Variants in ABCA10 observed in about 807,000 individuals in gnomAD.
The protein encoded by ABCA10 is ATP binding cassette subfamily A member 10.
Under a neutral mutation model 187.5 loss-of-function variants are expected in ABCA10, and 169 were observed. The observed-to-expected ratio is 0.90, with a 90% confidence interval of 0.80 to 1.02. The LOEUF (loss-of-function observed/expected upper bound fraction) is 1.02, where lower values mean the gene tolerates loss of function less well. ABCA10 is among the 50% of genes least tolerant of loss of function. The probability of loss-of-function intolerance (pLI) is 0.00; values close to 1 mark genes in which losing one functional copy is unlikely to be tolerated. For missense variants in ABCA10, 1,727 were observed against 1,812.4 expected, an observed-to-expected ratio of 0.95 and a Z score of 0.86; for synonymous variants, 574 against 601.8, an observed-to-expected ratio of 0.95 and a Z score of 0.68.
At chr17:69,217,255 GAA>G (rs201415206) in intron 6 of ABCA10, among the ~76,000 whole-genome samples, 10 of 133,794 alleles carry the variant, frequency 7.5e-5, no homozygotes, top group Admixed American at 2.9e-4. Flanking sequence ...CTCAAAAAAA[GAA>G]AAAAAAAAAA....
At chr17:69,186,125 A>G (rs1234628674) in intron 19 of ABCA10, among the ~76,000 whole-genome samples, 1 of 152,194 alleles carries the variant, frequency 6.6e-6, no homozygotes, top group Non-Finnish European at 1.5e-5. Context: ...CACTATTTTT[A>G]TATCCTAGAA....
intron 34 of ABCA10, 80 bp downstream of exon 34, chr17:69,153,225 A>G (rs2074143636): frequency 6.6e-7 from 1 of 1,507,102 alleles, no homozygotes; most frequent in African/African-American, 1.4e-5. Flanking sequence ...AAAATGTAAC[A>G]AAGAAACAAA....
In ABCA10 at chr17:69,219,419, T is replaced by C. The variant is rs886384041; in HGVS notation, c.530+126A>G. ...CTACTGCAAGCATCTTAAACTCTAA[T>C]GCAAGTAAGGTGATTAAATTGAATA... On this transcript the variant is annotated intron_variant, in intron 6 of 38. Transcript: ENST00000690296. 36 of 603,212 alleles carry C rather than the reference T, an allele frequency of 6.0e-5. No homozygotes were observed. In the African/African-American group the frequency reaches 6.2e-4, roughly 10 times the overall value. 37.4% of individuals were successfully genotyped at this position (603,212 alleles called of 1,614,324 possible).
chr17:69,153,790 C>T, intron 32 of ABCA10, 41 bp downstream of exon 32: 1 of 1,564,624 alleles, frequency 6.4e-7, no homozygotes. Context: ...GACATATTTT[C>T]CCCTTCCTCC....
At chr17:69,166,821 T>G (rs1223979121) in intron 25 of ABCA10, among the ~76,000 whole-genome samples, 1 of 152,178 alleles carries the variant, frequency 6.6e-6, no homozygotes, top group African/African-American at 2.4e-5. Context: ...TTAATACAGA[T>G]GGAAGTGCCC....
chr17:69,213,882 A>G (rs1167245796), intron 9 of ABCA10, among the ~76,000 whole-genome samples: 1 of 152,214 alleles, frequency 6.6e-6, no homozygotes, highest in Non-Finnish European at 1.5e-5. Flanking sequence ...ATTACCTTTA[A>G]TAACATTATA....
intron 18 of ABCA10, 124 bp from the exon 19 acceptor site, chr17:69,188,003 T>A: frequency 1.2e-6 from 1 of 814,106 alleles, no homozygotes; most frequent in Non-Finnish European, 1.9e-6. Context: ...CTGATATCCA[T>A]AATCAAAATT....
chr17:69,184,849 ATG>A (rs139291537), intron 20 of ABCA10, among the ~76,000 whole-genome samples: 2,317 of 144,090 alleles, frequency 0.016, 23 homozygotes, highest in African/African-American at 0.02. Context: ...ATATATGTAT[ATG>A]TGTGTGTGTG....
chr17:69,155,956 C>T (rs370830895), intron 28 of ABCA10, 31 bp from the exon 29 acceptor site: 9 of 1,597,468 alleles, frequency 5.6e-6, no homozygotes, highest in South Asian at 2.3e-5. Context: ...CATAAAAATG[C>T]AATTTTGGCT....
rs1309860246 is a variant in ABCA10, at chr17:69,148,724, A to G, written c.*103T>C. 1.0e-5 allele frequency: 10 copies of G among 983,574 alleles called. No individual in the cohort carries two copies. Among genetic ancestry groups the G allele is most frequent in the East Asian group, 2.5e-5 (1 of 40,342 alleles). 60.9% of individuals were successfully genotyped at this position (983,574 alleles called of 1,614,324 possible). On this transcript the variant is annotated 3_prime_UTR_variant, in exon 39 of 39. Transcript: ENST00000690296. Reference sequence around the variant, plus strand: ...GTAATCATTATTGAATGTTTATTAAATGTTTTCTTTTGTTAACTGAAGTAA... The same window carrying G: ...GTAATCATTATTGAATGTTTATTAAGTGTTTTCTTTTGTTAACTGAAGTAA...
chr17:69,216,485 CA>C, intron 6 of ABCA10, 127 bp from the exon 7 acceptor site: 1 of 1,111,294 alleles, frequency 9.0e-7, no homozygotes, highest in Non-Finnish European at 1.2e-6. Context: ...GGTGGCCATA[CA>C]CATTTTGTGA....
chr17:69,153,578 T>C, intron 32 of ABCA10, 32 bp from the exon 33 acceptor site: 25 of 1,611,876 alleles, frequency 1.6e-5, no homozygotes, highest in Non-Finnish European at 2.1e-5. Flanking sequence ...ATACATGAAG[T>C]ATATGGCAAA....
intron 27 of ABCA10, among the ~76,000 whole-genome samples, chr17:69,159,298 A>G (rs2074197489): frequency 6.6e-6 from 1 of 152,132 alleles, no homozygotes; most frequent in Admixed American, 6.5e-5. Flanking sequence ...AAATAAACAG[A>G]GCCTCAAAGA....
chr17:69,160,806 T>C (rs2074212190), intron 27 of ABCA10, among the ~76,000 whole-genome samples: 1 of 152,198 alleles, frequency 6.6e-6, no homozygotes, highest in African/African-American at 2.4e-5. Context: ...TGTACACTGT[T>C]GGTGAGACTG....
chr17:69,224,850 G>A lies in ABCA10; in HGVS notation c.34+475C>T, dbSNP rs529777868. 8.5e-5 allele frequency among the ~76,000 whole-genome samples: 13 copies of A among 152,074 alleles called. No individual in the cohort carries two copies. The South Asian group carries it at 1.7e-3, about 19-fold the overall frequency. Reference sequence around the variant, plus strand: ...ACAGTAATGCTTTTTCAACACCATTGCTAAGCTTGAGTTTGAATTTCAAAC... The same window carrying A: ...ACAGTAATGCTTTTTCAACACCATTACTAAGCTTGAGTTTGAATTTCAAAC... On this transcript the variant is annotated intron_variant, in intron 3 of 38. Coordinates refer to ENST00000690296, the MANE Select transcript of ABCA10 (RefSeq NM_001377321.1).
chr17:69,210,834 C>T (rs374358949), intron 9 of ABCA10, among the ~76,000 whole-genome samples: 5,703 of 24,138 alleles, frequency 0.24, 822 homozygotes, highest in African/African-American at 0.46. Flanking sequence ...ATATATGCCA[C>T]ATATTTATGC....
At chr17:69,186,003 C>T (rs953649986) in intron 19 of ABCA10, among the ~76,000 whole-genome samples, 1 of 152,196 alleles carries the variant, frequency 6.6e-6, no homozygotes, top group African/African-American at 2.4e-5. Flanking sequence ...CCCTATTTTA[C>T]ACTGCAGCCT....
chr17:69,168,671 C>T (rs1415029873), intron 25 of ABCA10, among the ~76,000 whole-genome samples: 1 of 152,226 alleles, frequency 6.6e-6, no homozygotes, highest in African/African-American at 2.4e-5. Flanking sequence ...CAAATCTCAT[C>T]TTGTAGCTCC....
In ABCA10 at chr17:69,194,481, T is replaced by C. The variant is rs533423661; in HGVS notation, c.1249A>G (p.Ile417Val). Reference sequence around the variant, plus strand: ...ATTGCAGTGATCTGTCCTTCATATATGTCAAAAAATATGCCTGTTTTAGAA... The same window carrying C: ...ATTGCAGTGATCTGTCCTTCATATACGTCAAAAAATATGCCTGTTTTAGAA... ...VEALQGIFFD[I>V]YEGQITAILG... Residue 417 changes from isoleucine (I) to valine (V), a missense_variant, in exon 12 of 39, where the codon ATA (isoleucine) becomes GTA (valine). By Grantham distance (29) the Ile-to-Val change is conservative (BLOSUM62 3). Coordinates refer to ENST00000690296, the MANE Select transcript of ABCA10 (RefSeq NM_001377321.1). 1.0e-5 allele frequency: 16 copies of C among 1,604,364 alleles called. No individual in the cohort carries two copies. The African/African-American group carries it at 1.7e-4, about 17-fold the overall frequency.
Sources: allele counts gnomAD v4.1 joint callset (sites outside exome capture counted in the v4.1 genomes callset), GRCh38; gene constraint gnomAD v4.1.1; transcripts MANE v1.5; gene names NCBI Gene and HGNC (gene_info 2026-07-23, HGNC 2026-07-21).